The following LOC128706666 variants were observed in gnomAD, a reference collection of about 807,000 sequenced individuals.
chr20:10,414,080 C>A, the LOC128706666 span: 6 of 366,918 alleles, frequency 1.6e-5, no homozygotes, highest in Admixed American at 9.1e-5. Context: ...GAAAGGTAGA[C>A]CAACTTTGAC....
chr20:10,422,724 T>TTG, the LOC128706666 span, among the ~76,000 whole-genome samples: 1 of 151,948 alleles, frequency 6.6e-6, no homozygotes, highest in East Asian at 1.9e-4. Flanking sequence ...TTTTTTTTTT[T>TTG]TTTGTGAGAC....
At chr20:10,419,795 G>A in the LOC128706666 span, among the ~76,000 whole-genome samples, 2 of 152,082 alleles carry the variant, frequency 1.3e-5, no homozygotes, top group African/African-American at 4.8e-5. Flanking sequence ...GAATATCCCA[G>A]GATTTCATCA....
chr20:10,420,823 T>A, the LOC128706666 span: 1 of 152,218 alleles, frequency 6.6e-6, no homozygotes, highest in Non-Finnish European at 1.5e-5. Flanking sequence ...TTAATTACAT[T>A]TCTAAATCAC....
the LOC128706666 span, among the ~76,000 whole-genome samples, chr20:10,431,486 A>T: frequency 6.6e-6 from 1 of 152,092 alleles, no homozygotes; most frequent in Admixed American, 6.6e-5. Flanking sequence ...AGATAATGGG[A>T]CAATCTTAAT....
At chr20:10,424,300 T>C in the LOC128706666 span, among the ~76,000 whole-genome samples, 4 of 152,026 alleles carry the variant, frequency 2.6e-5, no homozygotes, top group African/African-American at 7.2e-5. Context: ...TCACACCTGT[T>C]ACCCCAGCAC....
At chr20:10,428,998 T>C in the LOC128706666 span, among the ~76,000 whole-genome samples, 1 of 152,180 alleles carries the variant, frequency 6.6e-6, no homozygotes, top group Non-Finnish European at 1.5e-5. Flanking sequence ...TTAAGGGCCT[T>C]TCTCTTTTGC....
At chr20:10,416,876 T>G in the LOC128706666 span, among the ~76,000 whole-genome samples, 2 of 152,230 alleles carry the variant, frequency 1.3e-5, no homozygotes, top group African/African-American at 4.8e-5. Context: ...TTAATTTGTG[T>G]ACTGTGTATG....
the LOC128706666 span, among the ~76,000 whole-genome samples, chr20:10,425,045 C>T: frequency 1.4e-5 from 2 of 146,830 alleles, no homozygotes; most frequent in African/African-American, 5.0e-5. Flanking sequence ...AAGAGCTAAA[C>T]TCCGTCTCAA....
At chr20:10,427,639 T>C in the LOC128706666 span, among the ~76,000 whole-genome samples, 1 of 152,224 alleles carries the variant, frequency 6.6e-6, no homozygotes, top group African/African-American at 2.4e-5. Context: ...GTGTACACAA[T>C]AGAAAAGACT....
At chr20:10,427,627 C>T in the LOC128706666 span, among the ~76,000 whole-genome samples, 2 of 152,148 alleles carry the variant, frequency 1.3e-5, 1 homozygote, top group South Asian at 4.1e-4. Flanking sequence ...GGCATTTTTT[C>T]TGTGTACACA....
the LOC128706666 span, among the ~76,000 whole-genome samples, chr20:10,417,961 T>C: frequency 1.3e-5 from 2 of 152,206 alleles, no homozygotes; most frequent in East Asian, 1.9e-4. Context: ...AGAGATATTA[T>C]CTATCAAATG....
the LOC128706666 span, among the ~76,000 whole-genome samples, chr20:10,432,789 CAAAA>C: frequency 8.0e-5 from 6 of 74,560 alleles, no homozygotes; most frequent in African/African-American, 1.9e-4. Flanking sequence ...GACTCTTTGT[CAAAA>C]AAAAAAAAAA....
chr20:10,431,527 AAAACC>A, the LOC128706666 span, among the ~76,000 whole-genome samples: 4,103 of 150,810 alleles, frequency 0.027, 131 homozygotes, highest in African/African-American at 0.08. Context: ...ATAGGGTCAA[AAAACC>A]AAACCAAACC....
the LOC128706666 span, among the ~76,000 whole-genome samples, chr20:10,426,304 T>G: frequency 6.6e-6 from 1 of 152,242 alleles, no homozygotes. Context: ...TCTATCAGGA[T>G]TTCCAGTGTG....
chr20:10,425,024 A>G, the LOC128706666 span, among the ~76,000 whole-genome samples: 21,393 of 151,146 alleles, frequency 0.14, 1,699 homozygotes, highest in East Asian at 0.24. Flanking sequence ...TTGCACTCCC[A>G]CCTAGGCAAC....
At chr20:10,422,256 G>A in the LOC128706666 span, among the ~76,000 whole-genome samples, 1,748 of 151,932 alleles carry the variant, frequency 0.012, 16 homozygotes, top group Non-Finnish European at 0.017. Context: ...GAGGAAACAC[G>A]ACCTGCTTTG....
chr20:10,421,849 T>G, the LOC128706666 span, among the ~76,000 whole-genome samples: 3 of 152,004 alleles, frequency 2.0e-5, no homozygotes, highest in Non-Finnish European at 4.4e-5. Context: ...TTTGATGATC[T>G]GTTGGGTTTG....
At chr20:10,428,614 G>T in the LOC128706666 span, among the ~76,000 whole-genome samples, 5 of 152,164 alleles carry the variant, frequency 3.3e-5, no homozygotes, top group African/African-American at 1.2e-4. Flanking sequence ...TGAGGAAGGT[G>T]GATCACTTGA....
the LOC128706666 span, among the ~76,000 whole-genome samples, chr20:10,427,148 C>G: frequency 6.6e-6 from 1 of 151,472 alleles, no homozygotes; most frequent in Non-Finnish European, 1.5e-5. Flanking sequence ...ATCTAGCCAT[C>G]AGATTATTCT....
Sources: allele counts gnomAD v4.1 joint callset (sites outside exome capture counted in the v4.1 genomes callset), GRCh38; gene constraint gnomAD v4.1.1; transcripts MANE v1.5.